NCOA2: variants seen among roughly 807,000 people sequenced by gnomAD.
NCOA2 encodes the protein nuclear receptor coactivator 2.
In NCOA2, 21 loss-of-function variants were observed where a neutral mutation model predicts 145.1. The observed-to-expected ratio is 0.14, with a 90% CI of 0.10 to 0.21. The LOEUF (loss-of-function observed/expected upper bound fraction) is 0.21, where lower values mean the gene tolerates loss of function less well. Among genes scored for constraint, NCOA2 ranks in the 10% least tolerant of loss-of-function variants. The probability of loss-of-function intolerance (pLI) is 1.00; values close to 1 mark genes in which losing one functional copy is unlikely to be tolerated. For synonymous variants in NCOA2, 619 were observed against 637.5 expected (o/e 0.97, Z 0.44); for missense variants, 1,472 against 1,837.6 (o/e 0.80, Z 3.64).
At chr8:70,205,506 C>G (rs978820619) in intron 4 of NCOA2, among the ~76,000 whole-genome samples, 1 of 152,038 alleles carries the variant, frequency 6.6e-6, no homozygotes, top group Non-Finnish European at 1.5e-5. Flanking sequence ...CTATCATCCA[C>G]CCAGATTCCC....
chr8:70,160,555 T>C (rs1356400539), intron 9 of NCOA2, among the ~76,000 whole-genome samples: 2 of 152,136 alleles, frequency 1.3e-5, no homozygotes, highest in East Asian at 3.8e-4. Context: ...AAGGCTACTA[T>C]GTTGCTACCA....
chr8:70,228,710 T>C (rs1203349358), intron 2 of NCOA2, among the ~76,000 whole-genome samples: 1 of 152,190 alleles, frequency 6.6e-6, no homozygotes, highest in Non-Finnish European at 1.5e-5. Flanking sequence ...ATCTCTAAGA[T>C]TGCTGCACCC....
intron 4 of NCOA2, among the ~76,000 whole-genome samples, chr8:70,191,284 G>A (rs551135335): frequency 6.6e-6 from 1 of 152,278 alleles, no homozygotes; most frequent in South Asian, 2.1e-4. Context: ...AGAAATCAAA[G>A]ATAAAACTTC....
the NCOA2 span, chr8:70,424,467 A>G: frequency 1.9e-6 from 1 of 513,046 alleles, no homozygotes; most frequent in Non-Finnish European, 3.9e-6. Flanking sequence ...CATATCTTCG[A>G]CCCACACCCT....
chr8:70,439,822 C>T, the NCOA2 span, among the ~76,000 whole-genome samples: 3 of 152,192 alleles, frequency 2.0e-5, no homozygotes, highest in Admixed American at 1.3e-4. Flanking sequence ...CGTCGCTGTC[C>T]TTTCAGGGCT....
At chr8:70,207,026 C>T (rs1465603697) in intron 4 of NCOA2, among the ~76,000 whole-genome samples, 1 of 152,120 alleles carries the variant, frequency 6.6e-6, no homozygotes, top group Non-Finnish European at 1.5e-5. Flanking sequence ...CTGATTTTCC[C>T]CCAAATGAGT....
At chr8:70,240,436 AC>A (rs1217239772) in intron 2 of NCOA2, among the ~76,000 whole-genome samples, 2 of 152,082 alleles carry the variant, frequency 1.3e-5, no homozygotes, top group Admixed American at 1.3e-4. Flanking sequence ...CCCTATTCAA[AC>A]AGGAGATGCT....
At chr8:70,270,881 A>G (rs1824995506) in intron 2 of NCOA2, among the ~76,000 whole-genome samples, 1 of 152,228 alleles carries the variant, frequency 6.6e-6, no homozygotes, top group Non-Finnish European at 1.5e-5. Flanking sequence ...TAAAAACACC[A>G]TATAAAATCA....
At position 70,216,663 on chromosome 8, in the gene NCOA2, G is replaced by C. The variant is rs1341987295; in HGVS notation, c.83C>G (p.Pro28Arg). The C allele has an allele frequency of 1.9e-6, 3 of 1,610,270 alleles. No homozygotes were observed. The highest frequency in any genetic ancestry group is 1.3e-5 in the African/African-American group (1 of 74,808). ...CTTTTCTCAGCAAGAATCTAACCTG[G>C]GTCCAAGTTGGTCAGGACATTCCTT... ...KRKECPDQLGPSPKRNTEKRN... is the reference protein window; with the variant it reads ...KRKECPDQLGRSPKRNTEKRN... Residue 28 changes from proline to arginine, a missense_variant, in exon 3 of 23, where the codon CCC becomes CGC. Physicochemically the swap from Pro to Arg is moderately radical, Grantham distance 103 (BLOSUM62 -2). Coordinates refer to ENST00000452400, the MANE Select transcript of NCOA2 (RefSeq NM_006540.4).
At chr8:70,323,980 C>G (rs534878765) in intron 1 of NCOA2, among the ~76,000 whole-genome samples, 1 of 152,248 alleles carries the variant, frequency 6.6e-6, no homozygotes, top group South Asian at 2.1e-4. Flanking sequence ...CAGCCCTTCC[C>G]CTACCCATTA....
chr8:70,420,770 G>A, the NCOA2 span, among the ~76,000 whole-genome samples: 4 of 151,984 alleles, frequency 2.6e-5, no homozygotes, highest in East Asian at 1.9e-4. Flanking sequence ...TCAGCCTCCC[G>A]AGTAGCTGGG....
At chr8:70,394,123 A>G (rs1023577612) in intron 1 of NCOA2, among the ~76,000 whole-genome samples, 3 of 152,250 alleles carry the variant, frequency 2.0e-5, no homozygotes, top group Admixed American at 6.5e-5. Flanking sequence ...CCTATTTAGA[A>G]AAGAGTACAG....
At chr8:70,450,095 A>G in the NCOA2 span, among the ~76,000 whole-genome samples, 2 of 152,340 alleles carry the variant, frequency 1.3e-5, no homozygotes, top group Non-Finnish European at 2.9e-5. Flanking sequence ...ATTGTGTGAA[A>G]CACAGCCCTT....
chr8:70,248,804 G>A (rs1245083601), intron 2 of NCOA2, among the ~76,000 whole-genome samples: 2 of 150,706 alleles, frequency 1.3e-5, no homozygotes, highest in African/African-American at 2.4e-5. Context: ...TTTCTCCCGA[G>A]TATTTTCTGA....
chr8:70,366,071 A>G (rs1810659260), intron 1 of NCOA2, among the ~76,000 whole-genome samples: 1 of 152,206 alleles, frequency 6.6e-6, no homozygotes, highest in South Asian at 2.1e-4. Flanking sequence ...AGCCATGAGC[A>G]TGTGCTTCTC....
intron 16 of NCOA2, among the ~76,000 whole-genome samples, chr8:70,130,056 T>G (rs1808913523): frequency 6.6e-6 from 1 of 152,168 alleles, no homozygotes; most frequent in African/African-American, 2.4e-5. Context: ...AGCCCTGAGC[T>G]CTGATCAGCA....
At chr8:70,308,425 A>G (rs531954113) in intron 1 of NCOA2, among the ~76,000 whole-genome samples, 18 of 152,256 alleles carry the variant, frequency 1.2e-4, no homozygotes, top group African/African-American at 4.1e-4. Flanking sequence ...GTTATCTACT[A>G]TGAAATGAGG....
At chr8:70,320,514 G>T (rs1032573859) in intron 1 of NCOA2, among the ~76,000 whole-genome samples, 1 of 152,120 alleles carries the variant, frequency 6.6e-6, no homozygotes, top group Admixed American at 6.5e-5. Context: ...AAGAGAAAAA[G>T]ATAGTAATTT....
chr8:70,115,137 T>A (rs1171137632), intron 22 of NCOA2, among the ~76,000 whole-genome samples: 1 of 149,498 alleles, frequency 6.7e-6, no homozygotes, highest in Non-Finnish European at 1.5e-5. Flanking sequence ...TACTGAGAAG[T>A]ATTTATTTAT....
Sources: allele counts gnomAD v4.1 joint callset (sites outside exome capture counted in the v4.1 genomes callset), GRCh38; gene constraint gnomAD v4.1.1; transcripts MANE v1.5; gene names NCBI Gene and HGNC (gene_info 2026-07-23, HGNC 2026-07-21).